Variants in ARHGEF12 observed in about 807,000 individuals in gnomAD.
ARHGEF12 encodes the protein KMT2A/ARHGEF12 fusion protein.
ARHGEF12 carries 66 observed loss-of-function variants against 211.2 expected under a neutral mutation model. That is an observed-to-expected ratio of 0.31 (90% CI 0.26 to 0.38). The LOEUF is 0.38. Among genes scored for constraint, ARHGEF12 ranks in the 10% least tolerant of loss-of-function variants. The pLI is 1.00. For missense variants in ARHGEF12, 1,429 were observed against 1,869.5 expected (o/e 0.76, Z 4.34); for synonymous variants, 592 against 638.4 (o/e 0.93, Z 1.09).
intron 4 of ARHGEF12, among the ~76,000 whole-genome samples, chr11:120,420,229 C>T (rs1009747277): frequency 1.3e-5 from 2 of 152,154 alleles, no homozygotes; most frequent in Admixed American, 6.5e-5. Context: ...GGAATAACTT[C>T]AGGTACTCTG....
intron 1 of ARHGEF12, among the ~76,000 whole-genome samples, chr11:120,376,521 T>C (rs757973012): frequency 6.6e-6 from 1 of 152,186 alleles, no homozygotes; most frequent in Non-Finnish European, 1.5e-5. Flanking sequence ...TTGTTAATTT[T>C]TATGGGCATA....
Position 120,489,749 on chromosome 11 carries a change from T to C in ARHGEF12, c.*4672T>C, listed in dbSNP as rs2136051177. The C allele has an allele frequency of 5.1e-6, 1 of 195,910 alleles. No homozygotes were observed. Among genetic ancestry groups the C allele is most frequent in the Middle Eastern group, 1.8e-3 (1 of 554 alleles). 12.1% of individuals were successfully genotyped at this position (195,910 alleles called of 1,614,324 possible). On this transcript the variant is annotated 3_prime_UTR_variant, in exon 41 of 41. Coordinates refer to ENST00000397843, the MANE Select transcript of ARHGEF12 (RefSeq NM_015313.3). ...ATTTTAAAGATTAAGACTATTCAAATGTACTTTGCGGAAATTAACCTGTTT... is the reference window on the plus strand; with the variant it reads ...ATTTTAAAGATTAAGACTATTCAAACGTACTTTGCGGAAATTAACCTGTTT...
At chr11:120,443,085 G>A (rs1379710472) in intron 15 of ARHGEF12, among the ~76,000 whole-genome samples, 1 of 147,420 alleles carries the variant, frequency 6.8e-6, no homozygotes, top group African/African-American at 2.5e-5. Flanking sequence ...ACAGTGGCAC[G>A]ATTGCACCTC....
Position 120,337,141 on chromosome 11 carries a change from CCCT to C in ARHGEF12, c.-102_-100del. 1 of 1,400,408 alleles carries C rather than the reference CCCT, an allele frequency of 7.1e-7. No individual in the cohort carries two copies. The allele number at this position is 1,400,408 out of a possible 1,614,324, so 86.7% of individuals were successfully genotyped here. ...GGAGTTTTGAGTTGGACTTTTGTGTCCCTGACGGAGTTGGGCCTGATCCCAGAG... is the reference window on the plus strand; with the variant it reads ...GGAGTTTTGAGTTGGACTTTTGTGTCGACGGAGTTGGGCCTGATCCCAGAG... On this transcript the variant is annotated 5_prime_UTR_variant, in exon 1 of 41. Transcript: ENST00000397843.
chr11:120,375,550 CTTT>C (rs751429193), intron 1 of ARHGEF12, among the ~76,000 whole-genome samples: 1 of 136,832 alleles, frequency 7.3e-6, no homozygotes, highest in Non-Finnish European at 1.6e-5. Flanking sequence ...ATGGGGTGGC[CTTT>C]TTTTTTTTTT....
chr11:120,478,455 G>A, intron 37 of ARHGEF12, 66 bp downstream of exon 37: 1 of 1,386,216 alleles, frequency 7.2e-7, no homozygotes, highest in East Asian at 2.4e-5. Flanking sequence ...CATCCCTAAA[G>A]TATGTGGATT....
intron 1 of ARHGEF12, among the ~76,000 whole-genome samples, chr11:120,392,104 C>T (rs1944237595): frequency 6.6e-6 from 1 of 152,136 alleles, no homozygotes; most frequent in African/African-American, 2.4e-5. Flanking sequence ...GATCTCATTT[C>T]AGCACTACTT....
chr11:120,486,449 A>G lies in ARHGEF12; in HGVS notation c.*1372A>G, dbSNP rs909205349. ...CAAGGTGTTGGTAACTGCCTGCTCT[A>G]GGATGAATAGTAGCGTTAGCAGCAC... On this transcript the variant is annotated 3_prime_UTR_variant, in exon 41 of 41. Coordinates refer to ENST00000397843, the MANE Select transcript of ARHGEF12 (RefSeq NM_015313.3). The G allele has an allele frequency of 4.3e-6, 1 of 231,386 alleles. No individual in the cohort carries two copies. Among genetic ancestry groups the G allele is most frequent in the Non-Finnish European group, 8.6e-6 (1 of 116,856 alleles). 14.3% of individuals were successfully genotyped at this position (231,386 alleles called of 1,614,324 possible). A position where few individuals can be genotyped will look rare whatever the true frequency, so the allele number is the denominator to read the frequency against.
intron 1 of ARHGEF12, among the ~76,000 whole-genome samples, chr11:120,397,342 AGT>A (rs1158113741): frequency 7.2e-5 from 11 of 152,080 alleles, no homozygotes; most frequent in African/African-American, 1.7e-4. Context: ...CTCGGGGACG[AGT>A]GTGTCCTCTC....
intron 15 of ARHGEF12, among the ~76,000 whole-genome samples, chr11:120,444,974 A>G (rs1946000721): frequency 6.6e-6 from 1 of 152,224 alleles, no homozygotes; most frequent in Admixed American, 6.5e-5. Flanking sequence ...TAGGAATATT[A>G]TTGGTCTTCA....
rs1256803889 is a variant in ARHGEF12 at position 120,337,274 on chromosome 11, A to G, written c.31A>G (p.Arg11Gly). Residue 11 changes from arginine to glycine, a missense_variant and splice_region_variant, in exon 1 of 41, where the codon AGG becomes GGG. This residue lies in a region of ARHGEF12 where 41 missense variants were observed against 48.6 expected (regional missense o/e 0.84). Transcript: ENST00000397843. The stretch of plus-strand genomic sequence containing the variant: ...TGGCACACAGTCTACTATCACCGAC[A>G]GGTTGGTATGAATTCCTCCTTCGTT... MSGTQSTITD[R>G]FPLKKPIRHG... 2 of 1,614,010 alleles carry G rather than the reference A, an allele frequency of 1.2e-6. No homozygotes were observed. Among genetic ancestry groups the G allele is most frequent in the Non-Finnish European group, 8.5e-7 (1 of 1,180,032 alleles).
At position 120,437,987 on chromosome 11, in the gene ARHGEF12, A is replaced by G. The variant is rs1485973829; in HGVS notation, c.999+605A>G. Among the ~76,000 whole-genome samples, 13 of 152,328 alleles carry G rather than the reference A, an allele frequency of 8.5e-5. 1 individual carries two copies. Among genetic ancestry groups the G allele is most frequent in the Admixed American group, 7.2e-4 (11 of 15,298 alleles). On this transcript the variant is annotated intron_variant, in intron 12 of 40. Transcript: ENST00000397843. Reference sequence around the variant, plus strand: ...TTTATCTGTCCGTTTGTCAGTGGGTACTTAGATTGCTTCCACTTTTTGCTA... The same window carrying G: ...TTTATCTGTCCGTTTGTCAGTGGGTGCTTAGATTGCTTCCACTTTTTGCTA...
chr11:120,457,314 T>C, intron 23 of ARHGEF12, 64 bp downstream of exon 23: 1 of 1,572,444 alleles, frequency 6.4e-7, no homozygotes, highest in Non-Finnish European at 8.7e-7. Flanking sequence ...TATATGCTAT[T>C]CCTATACTTA....
At chr11:120,345,475 G>A (rs545692464) in intron 1 of ARHGEF12, among the ~76,000 whole-genome samples, 48 of 152,120 alleles carry the variant, frequency 3.2e-4, no homozygotes, top group Non-Finnish European at 5.3e-4. Context: ...AGACCGAGGT[G>A]GGCGGTTCAG....
Position 120,336,931 on chromosome 11 carries a change from A to T in ARHGEF12, c.-313A>T, listed in dbSNP as rs913066303. Reference sequence around the variant, plus strand: ...GGCGGGAGTCCCGGGTCCCCTTCCCACTGCGCGCGGATTTCCCTCTCTGAG... The same window carrying T: ...GGCGGGAGTCCCGGGTCCCCTTCCCTCTGCGCGCGGATTTCCCTCTCTGAG... On this transcript the variant is annotated 5_prime_UTR_variant, in exon 1 of 41. Coordinates refer to ENST00000397843, the MANE Select transcript of ARHGEF12 (RefSeq NM_015313.3). 2.3e-6 allele frequency: 1 copy of T among 442,814 alleles called. No individual in the cohort carries two copies. The highest frequency in any genetic ancestry group is 4.0e-6 in the Non-Finnish European group (1 of 252,396). The allele number at this position is 442,814 out of a possible 1,614,324, so 27.4% of individuals were successfully genotyped here. A position where few individuals can be genotyped will look rare whatever the true frequency, so the allele number is the denominator to read the frequency against.
At chr11:120,422,459 C>CA (rs2135680521) in intron 6 of ARHGEF12, among the ~76,000 whole-genome samples, 1 of 152,202 alleles carries the variant, frequency 6.6e-6, no homozygotes, top group Admixed American at 6.5e-5. Context: ...CAAATAAAAC[C>CA]AAACCAAAAC....
intron 4 of ARHGEF12, chr11:120,411,404 G>A (rs1944876761): frequency 6.6e-6 from 1 of 152,024 alleles, no homozygotes; most frequent in Non-Finnish European, 1.5e-5. Flanking sequence ...AGAAAAGCTT[G>A]AAACTACTGA....
chr11:120,449,414 T>C (rs768225705), intron 21 of ARHGEF12, 200 bp downstream of exon 21: 9 of 515,632 alleles, frequency 1.7e-5, no homozygotes, highest in Non-Finnish European at 3.1e-5. Context: ...TAAACATCTT[T>C]CGTGGGCTGG....
At chr11:120,345,161 T>C (rs1402179342) in intron 1 of ARHGEF12, among the ~76,000 whole-genome samples, 1 of 152,192 alleles carries the variant, frequency 6.6e-6, no homozygotes, top group Non-Finnish European at 1.5e-5. Context: ...AGTTTCTGTC[T>C]CTAGTGATAA....
Sources: allele counts gnomAD v4.1 joint callset (sites outside exome capture counted in the v4.1 genomes callset), GRCh38; gene constraint gnomAD v4.1.1; regional missense constraint gnomAD v4.1.1; transcripts MANE v1.5; gene names NCBI Gene and HGNC (gene_info 2026-07-23, HGNC 2026-07-21).